KANSL1: variants seen among roughly 807,000 people sequenced by gnomAD.
KANSL1 encodes MLL1/MLL complex subunit KANSL1.
KANSL1 carries 22 observed loss-of-function variants against 103.6 expected under a neutral mutation model. The observed-to-expected ratio is 0.21, with a 90% CI of 0.15 to 0.30. The LOEUF (loss-of-function observed/expected upper bound fraction) is 0.30, where lower values mean the gene tolerates loss of function less well. Ranked by LOEUF, KANSL1 falls within the 10% of genes least tolerant of loss-of-function variation. KANSL1 has a pLI of 1.00. For missense variants in KANSL1, 1,337 were observed against 1,399.8 expected, an observed-to-expected ratio of 0.96 and a Z score of 0.72; for synonymous variants, 600 against 527.6, an observed-to-expected ratio of 1.14 and a Z score of -1.88.
At chr17:46,116,056 G>T (rs865815114) in intron 2 of KANSL1, among the ~76,000 whole-genome samples, 1 of 152,174 alleles carries the variant, frequency 6.6e-6, no homozygotes, top group Non-Finnish European at 1.5e-5. Flanking sequence ...AGAATCCCCG[G>T]AACCAAGCCT....
At chr17:46,183,537 C>T (rs2046883764) in intron 1 of KANSL1, among the ~76,000 whole-genome samples, 1 of 150,596 alleles carries the variant, frequency 6.6e-6, no homozygotes, top group African/African-American at 2.5e-5. Flanking sequence ...AAGATTCTGT[C>T]TCAAAAGAAG....
chr17:46,215,865 AC>A (rs375675516), intron 1 of KANSL1, among the ~76,000 whole-genome samples: 1 of 151,658 alleles, frequency 6.6e-6, no homozygotes, highest in East Asian at 2.0e-4. Flanking sequence ...ACATGGTGAA[AC>A]CCCATCTCTA....
intron 6 of KANSL1, among the ~76,000 whole-genome samples, chr17:46,053,039 G>A (rs891222792): frequency 4.5e-5 from 6 of 133,704 alleles, no homozygotes; most frequent in Admixed American, 3.1e-4. Flanking sequence ...TGTAATCCCA[G>A]TACTTTGGGA....
chr17:46,196,499 T>C, upstream of KANSL1: 2 of 452,260 alleles, frequency 4.4e-6, no homozygotes, highest in South Asian at 3.1e-5. Context: ...CACCTCAAAC[T>C]GCTACAGTCA....
intron 1 of KANSL1, among the ~76,000 whole-genome samples, chr17:46,212,889 T>C (rs901585341): frequency 2.0e-5 from 3 of 152,252 alleles, no homozygotes; most frequent in African/African-American, 7.2e-5. Flanking sequence ...AAAAAGAGTA[T>C]GTCATTTAAT....
intron 4 of KANSL1, among the ~76,000 whole-genome samples, chr17:46,079,555 A>G (rs984569882): frequency 1.3e-5 from 2 of 152,244 alleles, no homozygotes; most frequent in African/African-American, 4.8e-5. Context: ...ATAGGATATT[A>G]ATAACTTTTG....
intron 1 of KANSL1, among the ~76,000 whole-genome samples, chr17:46,172,447 G>T (rs1226582219): frequency 6.6e-6 from 1 of 152,156 alleles, no homozygotes; most frequent in Non-Finnish European, 1.5e-5. Context: ...AGGAAGAATT[G>T]CACCCTTCTT....
At chr17:46,194,491 A>T (rs975904959), upstream of KANSL1, among the ~76,000 whole-genome samples, 132 of 152,384 alleles carry the variant, frequency 8.7e-4, no homozygotes, top group African/African-American at 3.1e-3. Flanking sequence ...AAATAATGGA[A>T]CCTTTCCTAG....
At chr17:46,194,513 TCATAAA>T (rs2047538257), upstream of KANSL1, among the ~76,000 whole-genome samples, 1 of 152,256 alleles carries the variant, frequency 6.6e-6, no homozygotes, top group South Asian at 2.1e-4. Flanking sequence ...CTTAAAGAAT[TCATAAA>T]CATAATGTAA....
chr17:46,055,376 A>C (rs913886020), intron 6 of KANSL1, among the ~76,000 whole-genome samples: 2 of 151,820 alleles, frequency 1.3e-5, no homozygotes, highest in Non-Finnish European at 2.9e-5. Flanking sequence ...GAGGCAGAAG[A>C]ATCGCTTGAA....
chr17:46,082,668 GAAAC>G, intron 3 of KANSL1, 126 bp from the exon 4 acceptor site: 1 of 493,936 alleles, frequency 2.0e-6, no homozygotes. Flanking sequence ...CTATGGTTCA[GAAAC>G]AAACTACAGC....
At chr17:46,224,222 CAG>C (rs1259544434), upstream of KANSL1, among the ~76,000 whole-genome samples, 13 of 152,354 alleles carry the variant, frequency 8.5e-5, no homozygotes, top group African/African-American at 2.6e-4. Flanking sequence ...GCTTAAGTTT[CAG>C]AGTCAATTCC....
At chr17:46,045,458 C>T (rs2077473605) in intron 7 of KANSL1, 9 of 124,280 alleles carry the variant, frequency 7.2e-5, no homozygotes, top group Admixed American at 6.8e-4. Flanking sequence ...TATATCTCCA[C>T]AGTCTCATAA....
intron 1 of KANSL1, among the ~76,000 whole-genome samples, chr17:46,205,470 T>C (rs1449109300): frequency 6.7e-6 from 1 of 149,828 alleles, no homozygotes; most frequent in East Asian, 2.0e-4. Flanking sequence ...TCACTTGAGG[T>C]CAGGAGTTCA....
intron 7 of KANSL1, chr17:46,042,347 T>G (rs1329700759): frequency 2.0e-5 from 3 of 152,248 alleles, no homozygotes; most frequent in Non-Finnish European, 2.9e-5. Flanking sequence ...TGCCAGGCAC[T>G]GTGTGTTTAT....
chr17:46,200,862 C>A (rs904509379), intron 1 of KANSL1, among the ~76,000 whole-genome samples: 2 of 151,944 alleles, frequency 1.3e-5, no homozygotes, highest in South Asian at 2.1e-4. Context: ...AGATGGCAGA[C>A]CTGTTTCCTC....
intron 2 of KANSL1, among the ~76,000 whole-genome samples, chr17:46,144,768 A>C (rs1387792662): frequency 6.6e-6 from 1 of 150,396 alleles, no homozygotes; most frequent in Non-Finnish European, 1.5e-5. Context: ...CCCTCCTCAC[A>C]AACAAATGAT....
At chr17:46,101,801 T>C (rs1158612584) in intron 2 of KANSL1, among the ~76,000 whole-genome samples, 1 of 136,166 alleles carries the variant, frequency 7.3e-6, no homozygotes, top group Non-Finnish European at 1.6e-5. Flanking sequence ...TTAGTCATTA[T>C]AACCATGGAT....
intron 7 of KANSL1, chr17:46,043,093 G>C (rs1433103288): frequency 6.6e-6 from 1 of 152,100 alleles, no homozygotes; most frequent in Non-Finnish European, 1.5e-5. Flanking sequence ...CTGAAAGCTG[G>C]GCTGAGCTGG....
Sources: gnomAD v4.1 joint callset for allele counts (sites outside exome capture counted in the v4.1 genomes callset) on GRCh38, gnomAD v4.1.1 for gene constraint, MANE v1.5 for transcripts, NCBI Gene and HGNC (gene_info 2026-07-23, HGNC 2026-07-21) for gene names.